NCAM1: variants seen among roughly 807,000 people sequenced by gnomAD.
NCAM1 encodes the protein antigen recognized by monoclonal antibody 5.1H11.
Under a neutral mutation model 109.8 loss-of-function variants are expected in NCAM1, and 14 were observed. That is an observed-to-expected ratio of 0.13 (90% CI 0.08 to 0.20). NCAM1 has a LOEUF of 0.20. NCAM1 is among the 10% of genes least tolerant of loss of function. The probability of loss-of-function intolerance (pLI) is 1.00; values close to 1 mark genes in which losing one functional copy is unlikely to be tolerated. For missense variants in NCAM1, 774 were observed against 1,109.9 expected (o/e 0.70, Z 4.30); for synonymous variants, 418 against 442.9 (o/e 0.94, Z 0.70).
chr11:113,095,166 G>A (rs950311465), intron 1 of NCAM1, among the ~76,000 whole-genome samples: 4 of 152,086 alleles, frequency 2.6e-5, no homozygotes, highest in South Asian at 4.1e-4. Context: ...ATTGAAGAGC[G>A]GCAGTATAGC....
At chr11:113,077,512 T>C (rs1224421726) in intron 1 of NCAM1, among the ~76,000 whole-genome samples, 1 of 152,160 alleles carries the variant, frequency 6.6e-6, no homozygotes, top group African/African-American at 2.4e-5. Flanking sequence ...TGTTCATCTT[T>C]TATTTAGGCC....
chr11:113,085,074 G>A (rs900990303), intron 1 of NCAM1, among the ~76,000 whole-genome samples: 1 of 152,092 alleles, frequency 6.6e-6, no homozygotes, highest in Non-Finnish European at 1.5e-5. Context: ...TTAAACCCTG[G>A]ACAAGATTTC....
intron 1 of NCAM1, among the ~76,000 whole-genome samples, chr11:112,964,607 C>T (rs1449450428): frequency 1.3e-5 from 2 of 152,046 alleles, no homozygotes; most frequent in Non-Finnish European, 2.9e-5. Context: ...AATTAAGGTG[C>T]GCTTCCACAA....
chr11:112,967,899 A>T (rs925896165), intron 1 of NCAM1, among the ~76,000 whole-genome samples: 40 of 152,152 alleles, frequency 2.6e-4, no homozygotes, highest in Non-Finnish European at 1.5e-5. Flanking sequence ...TATAATTTTG[A>T]GGGCCTTCTT....
At chr11:113,054,799 C>T (rs80254169) in intron 1 of NCAM1, among the ~76,000 whole-genome samples, 5,054 of 152,200 alleles carry the variant, frequency 0.033, 301 homozygotes, top group African/African-American at 0.12. Flanking sequence ...GGGCCCTCTC[C>T]GTGACTGCGA....
intron 8 of NCAM1, among the ~76,000 whole-genome samples, chr11:113,218,881 A>T (rs562777158): frequency 6.6e-6 from 1 of 152,326 alleles, no homozygotes; most frequent in Admixed American, 6.5e-5. Context: ...AGTCATTGTG[A>T]TACCTCAGAA....
At chr11:113,204,738 C>A (rs1471682993) in intron 3 of NCAM1, among the ~76,000 whole-genome samples, 1 of 152,184 alleles carries the variant, frequency 6.6e-6, no homozygotes, top group Admixed American at 6.5e-5. Flanking sequence ...TTACATAGTT[C>A]CCAGAGGGCT....
chr11:113,144,453 C>G (rs533165950), intron 1 of NCAM1, among the ~76,000 whole-genome samples: 54 of 152,190 alleles, frequency 3.5e-4, no homozygotes, highest in African/African-American at 1.2e-3. Context: ...TCAGAATAGT[C>G]CATTCTGTGA....
At chr11:113,103,901 A>T (rs370045931) in intron 1 of NCAM1, among the ~76,000 whole-genome samples, 1 of 151,942 alleles carries the variant, frequency 6.6e-6, no homozygotes, top group African/African-American at 2.4e-5. Flanking sequence ...ATCATGAATT[A>T]TTGTTCTTCT....
intron 16 of NCAM1, among the ~76,000 whole-genome samples, chr11:113,256,373 G>T (rs1479344154): frequency 1.3e-5 from 2 of 152,168 alleles, no homozygotes; most frequent in African/African-American, 4.8e-5. Flanking sequence ...TGTAGGCCAG[G>T]CACCTGCACC....
Position 113,271,941 on chromosome 11 carries a change from A to G in NCAM1, c.2456+65A>G, listed in dbSNP as rs1555125526. The G allele has an allele frequency of 5.8e-6, 7 of 1,202,544 alleles. No individual in the cohort carries two copies. The Admixed American group carries it at 9.9e-5, about 17-fold the overall frequency. The allele number at this position is 1,202,544 out of a possible 1,614,324, so 74.5% of individuals were successfully genotyped here. On this transcript the variant is annotated intron_variant, in intron 19 of 19. Coordinates refer to ENST00000316851, the MANE Select transcript of NCAM1 (RefSeq NM_181351.5). ...ACCCCCACACCCACCTCCCCACCCT[A>G]CCCCCACCTCCCGTGCCCCTACCCA...
chr11:113,255,085 G>C lies in NCAM1; in HGVS notation c.1829-792G>C, dbSNP rs78473599. ...CAAATCAAGAAACAACTGTTTTTCT[G>C]TTGAGAAATGCTAAAGACATTTTTC... On this transcript the variant is annotated intron_variant, in intron 15 of 19. Coordinates refer to ENST00000316851, the MANE Select transcript of NCAM1 (RefSeq NM_181351.5). Among the ~76,000 whole-genome samples, 5 of 152,206 alleles carry C rather than the reference G, an allele frequency of 3.3e-5. No individual in the cohort carries two copies. In the East Asian group the frequency reaches 9.7e-4, roughly 29 times the overall value.
chr11:113,263,049 G>A lies in NCAM1; in HGVS notation c.2131+2726G>A, dbSNP rs1206686180. The A allele has an allele frequency of 6.2e-6, 9 of 1,448,844 alleles. No individual in the cohort carries two copies. The East Asian group carries it at 2.0e-4, about 32-fold the overall frequency. The allele number at this position is 1,448,844 out of a possible 1,614,324, so 89.7% of individuals were successfully genotyped here. A position where few individuals can be genotyped will look rare whatever the true frequency, so the allele number is the denominator to read the frequency against. On this transcript the variant is annotated intron_variant, in intron 17 of 19. Transcript: ENST00000316851. Reference sequence around the variant, plus strand: ...AGCTGCTGAGCAACCATTCTGTGTGGAAGAGAAGGTTTTGTGATTGGAAAA... The same window carrying A: ...AGCTGCTGAGCAACCATTCTGTGTGAAAGAGAAGGTTTTGTGATTGGAAAA...
chr11:113,016,139 A>C (rs146957062), intron 1 of NCAM1, among the ~76,000 whole-genome samples: 1 of 152,322 alleles, frequency 6.6e-6, no homozygotes, highest in African/African-American at 2.4e-5. Context: ...TCTATTTAGG[A>C]GGTTGAGTTC....
intron 17 of NCAM1, among the ~76,000 whole-genome samples, chr11:113,269,185 G>A (rs782049822): frequency 3.3e-5 from 5 of 151,954 alleles, no homozygotes; most frequent in South Asian, 4.2e-4. Flanking sequence ...AGTGTCAATC[G>A]TAACCATGGG....
intron 1 of NCAM1, chr11:113,197,049 T>G (rs1385778943): frequency 6.5e-6 from 1 of 153,060 alleles, no homozygotes; most frequent in Non-Finnish European, 1.5e-5. Context: ...GAAGGGTGAA[T>G]GAGCAAAGCA....
At chr11:113,132,664 G>T (rs1941443421) in intron 1 of NCAM1, among the ~76,000 whole-genome samples, 1 of 151,380 alleles carries the variant, frequency 6.6e-6, no homozygotes, top group South Asian at 2.1e-4. Flanking sequence ...GAGCGGGGGT[G>T]GGGGAGCTGG....
At chr11:113,063,709 C>T (rs536104062) in intron 1 of NCAM1, among the ~76,000 whole-genome samples, 1 of 152,290 alleles carries the variant, frequency 6.6e-6, no homozygotes, top group East Asian at 1.9e-4. Flanking sequence ...ACACTCAAAC[C>T]TTGTCTATGC....
intron 1 of NCAM1, among the ~76,000 whole-genome samples, chr11:113,161,276 G>A (rs574448197): frequency 1.3e-5 from 2 of 152,078 alleles, no homozygotes; most frequent in Non-Finnish European, 1.5e-5. Context: ...ATTTCAGAAC[G>A]TTTTACTTCT....
Sources: allele counts gnomAD v4.1 joint callset (sites outside exome capture counted in the v4.1 genomes callset), GRCh38; gene constraint gnomAD v4.1.1; transcripts MANE v1.5; gene names NCBI Gene and HGNC (gene_info 2026-07-23, HGNC 2026-07-21).